TMEM132D: variants seen among roughly 807,000 people sequenced by gnomAD.
TMEM132D encodes transmembrane protein 132D.
In TMEM132D, 21 loss-of-function variants were observed where a neutral mutation model predicts 62.3. The observed-to-expected ratio is 0.34, with a 90% confidence interval of 0.24 to 0.49. TMEM132D has a LOEUF of 0.49. Among genes scored for constraint, TMEM132D ranks in the 20% least tolerant of loss-of-function variants. The pLI is 0.99. For synonymous variants in TMEM132D, 621 were observed against 575.6 expected (o/e 1.08, Z -1.13); for missense variants, 1,346 against 1,402.8 (o/e 0.96, Z 0.65).
chr12:129,844,707 A>C (rs1171930519), intron 1 of TMEM132D, among the ~76,000 whole-genome samples: 1 of 152,214 alleles, frequency 6.6e-6, no homozygotes. Flanking sequence ...CAATGCTTTC[A>C]GTTCCAACAG....
At chr12:129,262,225 T>C (rs1406080516) in intron 4 of TMEM132D, 1 of 152,252 alleles carries the variant, frequency 6.6e-6, no homozygotes, top group African/African-American at 2.4e-5. Context: ...CAAAGGACCG[T>C]AATTGAATAA....
intron 1 of TMEM132D, among the ~76,000 whole-genome samples, chr12:129,796,998 T>G (rs182009287): frequency 6.6e-6 from 1 of 152,362 alleles, no homozygotes; most frequent in East Asian, 1.9e-4. Context: ...CTAGGCATCT[T>G]TTAACACCGG....
At chr12:129,677,406 T>C (rs1880657297) in intron 2 of TMEM132D, among the ~76,000 whole-genome samples, 2 of 152,190 alleles carry the variant, frequency 1.3e-5, no homozygotes, top group African/African-American at 4.8e-5. Context: ...GGGAGTCCAA[T>C]TAAACCTCTT....
At chr12:129,579,601 T>C (rs1031318948) in intron 2 of TMEM132D, among the ~76,000 whole-genome samples, 1 of 152,158 alleles carries the variant, frequency 6.6e-6, no homozygotes, top group African/African-American at 2.4e-5. Context: ...GAGTCTGATG[T>C]TCGAGGGCAG....
intron 2 of TMEM132D, among the ~76,000 whole-genome samples, chr12:129,568,217 A>G (rs1382476054): frequency 6.6e-6 from 1 of 152,154 alleles, no homozygotes; most frequent in Non-Finnish European, 1.5e-5. Context: ...GCCACCTCAC[A>G]TTTGGAATTT....
At chr12:129,389,195 C>G (rs898934502) in intron 3 of TMEM132D, among the ~76,000 whole-genome samples, 1 of 151,796 alleles carries the variant, frequency 6.6e-6, no homozygotes, top group Non-Finnish European at 1.5e-5. Flanking sequence ...CAAGCACTAT[C>G]ACCAAGACTA....
chr12:129,166,674 CAT>C (rs72366382), intron 5 of TMEM132D, among the ~76,000 whole-genome samples: 58,997 of 138,324 alleles, frequency 0.43, 13,088 homozygotes, highest in Non-Finnish European at 0.51. Context: ...TACGCAAGGA[CAT>C]ATATATACAC....
intron 2 of TMEM132D, among the ~76,000 whole-genome samples, chr12:129,653,611 G>A (rs1879988878): frequency 6.6e-6 from 1 of 152,172 alleles, no homozygotes; most frequent in African/African-American, 2.4e-5. Flanking sequence ...CGCCACCAAT[G>A]GCAACTGGCT....
intron 2 of TMEM132D, among the ~76,000 whole-genome samples, chr12:129,635,449 G>A (rs1272835392): frequency 6.6e-6 from 1 of 152,204 alleles, no homozygotes; most frequent in East Asian, 1.9e-4. Context: ...GGAAAGGGAG[G>A]GAAAGCACCC....
rs141367650 is a variant in TMEM132D at position 129,095,208 on chromosome 12, T to A, written c.1444-10506A>T. Among the ~76,000 whole-genome samples the A allele has an allele frequency of 2.4e-3, 366 of 151,784 alleles. 1 individual carries two copies. The highest frequency in any genetic ancestry group is 8.3e-3 in the African/African-American group (345 of 41,394). On this transcript the variant is annotated intron_variant, in intron 5 of 8. Coordinates refer to ENST00000422113, the MANE Select transcript of TMEM132D (RefSeq NM_133448.3). Reference sequence around the variant, plus strand: ...AATAATAAAATTTAAAAAAAAAGGATGAATAGATAAAAATGTCTTCACGTG... The same window carrying A: ...AATAATAAAATTTAAAAAAAAAGGAAGAATAGATAAAAATGTCTTCACGTG...
intron 3 of TMEM132D, among the ~76,000 whole-genome samples, chr12:129,522,086 C>T (rs1365921647): frequency 6.6e-6 from 1 of 152,084 alleles, no homozygotes; most frequent in African/African-American, 2.4e-5. Flanking sequence ...AAGTCATATG[C>T]CCGTATTGCC....
chr12:129,773,668 CA>C (rs1870830275), intron 1 of TMEM132D, among the ~76,000 whole-genome samples: 1 of 152,014 alleles, frequency 6.6e-6, no homozygotes, highest in Admixed American at 6.6e-5. Context: ...TTAACTAGAC[CA>C]AGGCAGCATA....
intron 3 of TMEM132D, among the ~76,000 whole-genome samples, chr12:129,353,310 T>C (rs1372807966): frequency 6.6e-6 from 1 of 152,098 alleles, no homozygotes; most frequent in African/African-American, 2.4e-5. Flanking sequence ...TGGTAAAATG[T>C]ATGAAGCAAG....
chr12:129,302,406 C>T (rs764237357), intron 4 of TMEM132D, among the ~76,000 whole-genome samples: 79 of 152,252 alleles, frequency 5.2e-4, no homozygotes, highest in Non-Finnish European at 5.6e-4. Context: ...TGAGCCACCA[C>T]GCCCGGCCTC....
intron 7 of TMEM132D, among the ~76,000 whole-genome samples, chr12:129,080,654 C>T (rs1034000232): frequency 3.3e-5 from 5 of 152,154 alleles, no homozygotes; most frequent in Admixed American, 1.3e-4. Context: ...GCAGATGGGG[C>T]AGCTGCTGAG....
At chr12:129,605,369 G>C (rs1878587320) in intron 2 of TMEM132D, among the ~76,000 whole-genome samples, 1 of 151,844 alleles carries the variant, frequency 6.6e-6, no homozygotes, top group Non-Finnish European at 1.5e-5. Flanking sequence ...TTATTCTCTG[G>C]AGAACACCCA....
chr12:129,417,760 C>T (rs1872173399), intron 3 of TMEM132D, among the ~76,000 whole-genome samples: 1 of 152,152 alleles, frequency 6.6e-6, no homozygotes, highest in Non-Finnish European at 1.5e-5. Flanking sequence ...TCAGAGTGAA[C>T]AGGCAACCTA....
intron 4 of TMEM132D, among the ~76,000 whole-genome samples, chr12:129,324,803 G>A (rs1868845901): frequency 6.6e-6 from 1 of 152,122 alleles, no homozygotes; most frequent in Non-Finnish European, 1.5e-5. Flanking sequence ...ACTCCAGCCT[G>A]GGCAATAGAG....
At chr12:129,571,621 G>A (rs758348886) in intron 2 of TMEM132D, among the ~76,000 whole-genome samples, 8 of 151,958 alleles carry the variant, frequency 5.3e-5, no homozygotes, top group Admixed American at 2.6e-4. Context: ...ACCTGAAGAC[G>A]GAGGGAGAGG....
Sources: gnomAD v4.1 joint callset for allele counts (sites outside exome capture counted in the v4.1 genomes callset) on GRCh38, gnomAD v4.1.1 for gene constraint, MANE v1.5 for transcripts, NCBI Gene and HGNC (gene_info 2026-07-23, HGNC 2026-07-21) for gene names.